The following TBCEL variants were observed in gnomAD, a reference collection of about 807,000 sequenced individuals.
TBCEL encodes tubulin folding cofactor E like, also known as tubulin-specific chaperone cofactor E-like protein.
TBCEL carries 15 observed loss-of-function variants against 44.2 expected under a neutral mutation model. The observed-to-expected ratio is 0.34, with a 90% CI of 0.23 to 0.52. TBCEL has a LOEUF of 0.52. TBCEL is among the 20% of genes least tolerant of loss of function. The probability of loss-of-function intolerance (pLI) is 0.95; values close to 1 mark genes in which losing one functional copy is unlikely to be tolerated. For missense variants in TBCEL, 319 were observed against 506.3 expected (o/e 0.63, Z 3.55); for synonymous variants, 171 against 185.4 (o/e 0.92, Z 0.63).
intron 2 of TBCEL, among the ~76,000 whole-genome samples, chr11:121,039,166 A>C (rs1043239327): frequency 1.3e-5 from 2 of 152,196 alleles, no homozygotes; most frequent in African/African-American, 4.8e-5. Flanking sequence ...CCTCGTCAGC[A>C]CACATATTTT....
chr11:121,063,528 G>A (rs896534079), intron 8 of TBCEL, among the ~76,000 whole-genome samples: 1 of 152,032 alleles, frequency 6.6e-6, no homozygotes, highest in East Asian at 1.9e-4. Context: ...TATTGATCCA[G>A]TTGTAAACTT....
intron 6 of TBCEL, among the ~76,000 whole-genome samples, chr11:121,056,182 C>A (rs1390485768): frequency 1.3e-5 from 2 of 151,858 alleles, no homozygotes; most frequent in Non-Finnish European, 2.9e-5. Flanking sequence ...TTTTTACTAT[C>A]TGCATAGTTT....
chr11:121,053,991 T>C (rs1229629789), intron 5 of TBCEL, among the ~76,000 whole-genome samples: 3 of 151,786 alleles, frequency 2.0e-5, no homozygotes, highest in African/African-American at 7.3e-5. Context: ...GAAGCACTTA[T>C]CACTCTAAAT....
chr11:121,041,864 G>A (rs1945339646), intron 2 of TBCEL, among the ~76,000 whole-genome samples: 1 of 147,480 alleles, frequency 6.8e-6, no homozygotes. Context: ...ATCCAATAAT[G>A]TATCCTGGAA....
At chr11:121,056,216 G>A (rs1449285464) in intron 6 of TBCEL, among the ~76,000 whole-genome samples, 1 of 151,780 alleles carries the variant, frequency 6.6e-6, no homozygotes, top group Non-Finnish European at 1.5e-5. Context: ...ATGTCATCTA[G>A]TTGGAATCAT....
rs1270016406 is a variant in TBCEL at position 121,089,237 on chromosome 11, G to T, written c.*2141G>T. The T allele has an allele frequency of 6.6e-6, 1 of 152,122 alleles. No individual in the cohort carries two copies. Among genetic ancestry groups the T allele is most frequent in the Non-Finnish European group, 1.5e-5 (1 of 68,016 alleles). The allele number at this position is 152,122 out of a possible 1,614,324, so 9.4% of individuals were successfully genotyped here. A position where few individuals can be genotyped will look rare whatever the true frequency, so the allele number is the denominator to read the frequency against. ...TTATGCTTTAATCATAAGTGGAATG[G>T]TCACAATTAATAAGATATTTTATAT... On this transcript the variant is annotated 3_prime_UTR_variant, in exon 9 of 9. Transcript: ENST00000683345.
chr11:121,031,237 C>T (rs948707441), intron 1 of TBCEL, among the ~76,000 whole-genome samples: 10 of 152,156 alleles, frequency 6.6e-5, no homozygotes, highest in South Asian at 2.1e-4. Flanking sequence ...AGAGTATGTG[C>T]GTCTTCAACT....
chr11:121,073,132 C>A (rs1274486761), intron 8 of TBCEL, among the ~76,000 whole-genome samples: 1 of 151,752 alleles, frequency 6.6e-6, no homozygotes, highest in Non-Finnish European at 1.5e-5. Flanking sequence ...TATTGTAGGC[C>A]CTTTTCTCTT....
At chr11:121,072,710 T>G (rs577834165) in intron 8 of TBCEL, among the ~76,000 whole-genome samples, 2 of 152,318 alleles carry the variant, frequency 1.3e-5, no homozygotes, top group South Asian at 2.1e-4. Context: ...AAAAAAACTT[T>G]AAAATTTTAA....
At chr11:121,080,071 C>T (rs1468944692) in intron 8 of TBCEL, among the ~76,000 whole-genome samples, 1 of 152,154 alleles carries the variant, frequency 6.6e-6, no homozygotes, top group Non-Finnish European at 1.5e-5. Flanking sequence ...CCCACCTTGA[C>T]CTCTGAAAGT....
chr11:121,060,094 T>A lies in TBCEL; in HGVS notation c.956+9T>A, dbSNP rs1487993852. The A allele has an allele frequency of 6.3e-7, 1 of 1,598,450 alleles. No homozygotes were observed. The highest frequency in any genetic ancestry group is 1.7e-5 in the Admixed American group (1 of 59,834). ...GAAGAAGTGCCATTCAGGTAAAAAATTCCCCATTGGCCAAACACTTTAGAG... is the reference window on the plus strand; with the variant it reads ...GAAGAAGTGCCATTCAGGTAAAAAAATCCCCATTGGCCAAACACTTTAGAG... On this transcript the variant is annotated intron_variant, in intron 8 of 8. Transcript: ENST00000683345.
At chr11:121,074,069 G>A (rs1945988289) in intron 8 of TBCEL, among the ~76,000 whole-genome samples, 1 of 151,852 alleles carries the variant, frequency 6.6e-6, no homozygotes, top group Non-Finnish European at 1.5e-5. Flanking sequence ...AATTGAGTTC[G>A]TGATTTCATA....
intron 1 of TBCEL, among the ~76,000 whole-genome samples, chr11:121,032,398 C>T (rs184052875): frequency 6.6e-6 from 1 of 152,160 alleles, no homozygotes; most frequent in East Asian, 1.9e-4. Context: ...ATTGTTACTC[C>T]TAGGGGAAAT....
At chr11:121,054,885 C>T (rs1466074710) in intron 5 of TBCEL, 167 bp from the exon 6 acceptor site, 3 of 627,242 alleles carry the variant, frequency 4.8e-6, no homozygotes, top group South Asian at 5.9e-5. Context: ...TTTTGTCTTC[C>T]CAGCTATATT....
intron 1 of TBCEL, among the ~76,000 whole-genome samples, chr11:121,028,692 G>A (rs918566980): frequency 6.6e-6 from 1 of 152,134 alleles, no homozygotes; most frequent in Non-Finnish European, 1.5e-5. Flanking sequence ...CACAACAGTG[G>A]TCACCGCAGT....
At chr11:121,054,256 G>A (rs1945579789) in intron 5 of TBCEL, among the ~76,000 whole-genome samples, 1 of 151,846 alleles carries the variant, frequency 6.6e-6, no homozygotes, top group African/African-American at 2.4e-5. Flanking sequence ...GTGTGCAAAG[G>A]AAATTTAAAG....
chr11:121,055,914 G>A (rs746712765), intron 6 of TBCEL, among the ~76,000 whole-genome samples: 12 of 151,470 alleles, frequency 7.9e-5, no homozygotes, highest in Non-Finnish European at 1.2e-4. Flanking sequence ...ATAGCAAAAT[G>A]GTACATTTGT....
chr11:121,040,861 G>A (rs1298029010), intron 2 of TBCEL, among the ~76,000 whole-genome samples: 2 of 152,012 alleles, frequency 1.3e-5, no homozygotes, highest in African/African-American at 4.8e-5. Flanking sequence ...CTTTCCACTC[G>A]TATTCCTCAT....
At chr11:121,077,018 A>G (rs1946045702) in intron 8 of TBCEL, among the ~76,000 whole-genome samples, 1 of 151,988 alleles carries the variant, frequency 6.6e-6, no homozygotes, top group African/African-American at 2.4e-5. Flanking sequence ...ATGATGTAGT[A>G]TCTTTTTTTA....
Sources: allele counts gnomAD v4.1 joint callset (sites outside exome capture counted in the v4.1 genomes callset), GRCh38; gene constraint gnomAD v4.1.1; transcripts MANE v1.5; gene names NCBI Gene and HGNC (gene_info 2026-07-23, HGNC 2026-07-21).